The following CFAP47 variants were observed in gnomAD, a reference collection of about 807,000 sequenced individuals.
The protein encoded by CFAP47 is cilia and flagella associated protein 47.
In CFAP47, 29 loss-of-function variants were observed where a neutral mutation model predicts 148.1. The observed-to-expected ratio is 0.20, with a 90% CI of 0.15 to 0.27. CFAP47 has a LOEUF of 0.27. Ranked by LOEUF, CFAP47 falls within the 10% of genes least tolerant of loss-of-function variation. The pLI is 1.00. For missense variants in CFAP47, 1,872 were observed against 1,697.5 expected, an observed-to-expected ratio of 1.10 and a Z score of -1.81; for synonymous variants, 664 against 577.3, an observed-to-expected ratio of 1.15 and a Z score of -2.15.
intron 63 of CFAP47, among the ~76,000 whole-genome samples, chrX:36,384,347 AAAAAAT>A (rs200251316): frequency 0.056 from 6,287 of 111,521 alleles, 215 homozygotes; most frequent in African/African-American, 0.11. Flanking sequence ...TCTAAAAAAT[AAAAAAT>A]AAAAATAAAT....
chrX:35,925,101 C>T (rs113183339), intron 1 of CFAP47, among the ~76,000 whole-genome samples: 4,407 of 111,336 alleles, frequency 0.04, 207 homozygotes, highest in African/African-American at 0.14. Context: ...GGCTGGGTGC[C>T]GTGGCTCACG....
chrX:36,171,221 CA>C lies in CFAP47; in HGVS notation c.6027-8119del, dbSNP rs1939572882. Among the ~76,000 whole-genome samples, 4 of 106,405 alleles carry C rather than the reference CA, an allele frequency of 3.8e-5. No homozygotes were observed. In the South Asian group the frequency reaches 1.7e-3, roughly 45 times the overall value. 92.4% of individuals were successfully genotyped at this position (106,405 alleles called of 115,157 possible). The stretch of plus-strand genomic sequence containing the variant: ...AGCCCTTTGTCAGATGAGTAGGTTG[CA>C]AAAATTTTCTCCCATTTTGTAGGTT... On this transcript the variant is annotated intron_variant, in intron 39 of 63. Coordinates refer to ENST00000378653, the MANE Select transcript of CFAP47 (RefSeq NM_001304548.2).
At chrX:35,954,158 A>G (rs1936210052) in intron 7 of CFAP47, among the ~76,000 whole-genome samples, 1 of 111,261 alleles carries the variant, frequency 9.0e-6, no homozygotes, top group Non-Finnish European at 1.9e-5. Flanking sequence ...AGGGTACAGG[A>G]CAGTGTTATT....
chrX:36,347,729 A>G (rs1556016815), intron 57 of CFAP47, among the ~76,000 whole-genome samples: 1 of 110,360 alleles, frequency 9.1e-6, no homozygotes, highest in African/African-American at 3.3e-5. Flanking sequence ...GAGTTGGACA[A>G]TGAGAACACA....
intron 29 of CFAP47, among the ~76,000 whole-genome samples, chrX:36,076,611 C>A (rs1937862949): frequency 9.0e-6 from 1 of 110,791 alleles, no homozygotes; most frequent in Non-Finnish European, 1.9e-5. Context: ...TAAACTGTTT[C>A]AGTTCCTTCT....
intron 2 of CFAP47, among the ~76,000 whole-genome samples, chrX:35,930,450 C>T (rs943791339): frequency 9.0e-6 from 1 of 110,750 alleles, no homozygotes; most frequent in African/African-American, 3.3e-5. Context: ...GTTTAGCTAT[C>T]AGGATAGTGC....
intron 33 of CFAP47, among the ~76,000 whole-genome samples, chrX:36,126,338 C>T (rs1302075434): frequency 1.8e-5 from 2 of 111,080 alleles, no homozygotes; most frequent in Admixed American, 9.6e-5. Flanking sequence ...TGTGTGAGAA[C>T]ATGCAGTGTT....
At chrX:35,923,818 G>GA (rs775947756) in intron 1 of CFAP47, among the ~76,000 whole-genome samples, 6 of 84,538 alleles carry the variant, frequency 7.1e-5, no homozygotes, top group Admixed American at 1.4e-4. Context: ...GAATCCGTCT[G>GA]AAAAAAAAAA....
At chrX:36,197,390 A>G (rs1304501863) in intron 42 of CFAP47, among the ~76,000 whole-genome samples, 1 of 112,442 alleles carries the variant, frequency 8.9e-6, no homozygotes, top group Non-Finnish European at 1.9e-5. Flanking sequence ...ATTAAAGGAA[A>G]CAGGTAGTTA....
intron 32 of CFAP47, among the ~76,000 whole-genome samples, chrX:36,103,182 T>A (rs1317076323): frequency 9.1e-6 from 1 of 110,278 alleles, no homozygotes; most frequent in Non-Finnish European, 1.9e-5. Context: ...AGTATTTGAG[T>A]GCAAATCATT....
intron 25 of CFAP47, among the ~76,000 whole-genome samples, chrX:36,045,338 G>A (rs1937452338): frequency 9.0e-6 from 1 of 111,339 alleles, no homozygotes; most frequent in Admixed American, 9.6e-5. Flanking sequence ...TGGTACCTCA[G>A]GTGCAAGACA....
At chrX:36,255,450 C>T (rs781873446) in intron 49 of CFAP47, among the ~76,000 whole-genome samples, 10 of 111,985 alleles carry the variant, frequency 8.9e-5, no homozygotes, top group Non-Finnish European at 1.7e-4. Flanking sequence ...CAGAGTTGTC[C>T]CGAGTTGGGA....
intron 45 of CFAP47, among the ~76,000 whole-genome samples, chrX:36,221,919 A>G (rs782724180): frequency 2.7e-5 from 3 of 111,625 alleles, no homozygotes; most frequent in Non-Finnish European, 5.6e-5. Flanking sequence ...GATCAAGCAG[A>G]CAGAAGGTTA....
Position 36,343,310 on chromosome X carries a change from C to G in CFAP47, c.8444-4819C>G, listed in dbSNP as rs1375508466. Among the ~76,000 whole-genome samples, 32 of 111,741 alleles carry G rather than the reference C, an allele frequency of 2.9e-4. No homozygotes were observed. The Admixed American group carries it at 3.0e-3, about 11-fold the overall frequency. ...CACTTCTCAAAAGAAGACATTTATG[C>G]AGCCAACAATCATGTGAAAAAAAAG... On this transcript the variant is annotated intron_variant, in intron 57 of 63. Coordinates refer to ENST00000378653, the MANE Select transcript of CFAP47 (RefSeq NM_001304548.2).
At chrX:36,343,819 G>A (rs782471412) in intron 57 of CFAP47, among the ~76,000 whole-genome samples, 26 of 110,761 alleles carry the variant, frequency 2.3e-4, no homozygotes, top group Admixed American at 6.8e-4. Context: ...TCCCCTTCAT[G>A]TGTCCATGTG....
intron 37 of CFAP47, among the ~76,000 whole-genome samples, chrX:36,159,141 A>T (rs950841210): frequency 8.9e-6 from 1 of 112,087 alleles, no homozygotes; most frequent in Non-Finnish European, 1.9e-5. Context: ...AGAATGTCCT[A>T]TGAATTTCCC....
intron 27 of CFAP47, 123 bp from the exon 28 acceptor site, chrX:36,071,702 A>G: frequency 3.7e-6 from 2 of 536,280 alleles, no homozygotes; most frequent in East Asian, 4.1e-5. Flanking sequence ...TTTGTCATAG[A>G]TAGATGGATA....
intron 15 of CFAP47, among the ~76,000 whole-genome samples, chrX:35,980,139 G>A: frequency 8.9e-6 from 1 of 112,065 alleles, no homozygotes. Flanking sequence ...CCCAACATCA[G>A]GCAAACAGAG....
chrX:36,322,272 C>A (rs1556012133), intron 57 of CFAP47, among the ~76,000 whole-genome samples: 1 of 110,978 alleles, frequency 9.0e-6, no homozygotes, highest in African/African-American at 3.3e-5. Flanking sequence ...TCTCTGGTGT[C>A]TTTAAATGAT....
Sources: allele counts gnomAD v4.1 joint callset (sites outside exome capture counted in the v4.1 genomes callset), GRCh38; gene constraint gnomAD v4.1.1; transcripts MANE v1.5; gene names NCBI Gene and HGNC (gene_info 2026-07-23, HGNC 2026-07-21).